Variants in MYO16 observed in about 807,000 individuals in gnomAD.
MYO16 encodes the protein myosin XVI.
Under a neutral mutation model 205.3 loss-of-function variants are expected in MYO16, and 94 were observed. The observed-to-expected ratio is 0.46, with a 90% CI of 0.39 to 0.54. The LOEUF (loss-of-function observed/expected upper bound fraction) is 0.54. Ranked by LOEUF, MYO16 falls within the 20% of genes least tolerant of loss-of-function variation. The pLI, the probability that MYO16 is intolerant of heterozygous loss-of-function variation, is 0.00. For missense variants in MYO16, 2,315 were observed against 2,387.5 expected (o/e 0.97, Z 0.63); for synonymous variants, 988 against 954.0 (o/e 1.04, Z -0.66).
chr13:108,757,710 A>G (rs928137477), intron 4 of MYO16, among the ~76,000 whole-genome samples: 1 of 151,696 alleles, frequency 6.6e-6, no homozygotes, highest in South Asian at 2.1e-4. Context: ...ATTCCCACCT[A>G]TGAGTGAGAA....
chr13:109,114,424 T>C (rs190944913), intron 28 of MYO16, among the ~76,000 whole-genome samples: 98 of 152,340 alleles, frequency 6.4e-4, no homozygotes, highest in African/African-American at 2.3e-3. Flanking sequence ...CCGATTCATC[T>C]TATCTCTGGC....
At chr13:109,023,458 T>C (rs527534469) in intron 23 of MYO16, among the ~76,000 whole-genome samples, 75 of 94,942 alleles carry the variant, frequency 7.9e-4, no homozygotes, top group South Asian at 1.6e-3. Flanking sequence ...TAAATATATA[T>C]TTATATATTA....
chr13:109,077,697 A>G (rs1040324874), intron 27 of MYO16, among the ~76,000 whole-genome samples: 1 of 152,218 alleles, frequency 6.6e-6, no homozygotes, highest in African/African-American at 2.4e-5. Context: ...CGTACACAGT[A>G]TGTCTTTATT....
intron 16 of MYO16, among the ~76,000 whole-genome samples, chr13:108,925,614 G>A (rs571936878): frequency 6.6e-5 from 10 of 152,186 alleles, no homozygotes; most frequent in South Asian, 4.1e-4. Flanking sequence ...CTCCACTCAC[G>A]CTAAAATCTG....
At chr13:108,873,588 A>G (rs953668866) in intron 12 of MYO16, among the ~76,000 whole-genome samples, 1 of 152,104 alleles carries the variant, frequency 6.6e-6, no homozygotes, top group African/African-American at 2.4e-5. Flanking sequence ...CGTTCCACCA[A>G]CCGGGACAGG....
intron 27 of MYO16, among the ~76,000 whole-genome samples, chr13:109,081,567 G>A (rs372379786): frequency 3.3e-5 from 5 of 152,230 alleles, no homozygotes; most frequent in African/African-American, 7.2e-5. Flanking sequence ...AAGTGCTCCC[G>A]CAGGGGCCTT....
rs561918264 is a variant in MYO16 at position 109,067,316 on chromosome 13, G to C, written c.3335+11721G>C. On this transcript the variant is annotated intron_variant, in intron 27 of 34. Transcript: ENST00000457511. ...GTATTTACTAGGCAATGGGCACTGC[G>C]CTAAGCCCTTCACAAGCATCATCTC... Among the ~76,000 whole-genome samples, 153 of 152,272 alleles carry C rather than the reference G, an allele frequency of 1.0e-3. 1 individual carries two copies. The highest frequency in any genetic ancestry group is 3.3e-3 in the African/African-American group (137 of 41,562).
intron 1 of MYO16, among the ~76,000 whole-genome samples, chr13:108,609,062 T>G (rs1035263020): frequency 1.3e-5 from 2 of 152,206 alleles, no homozygotes; most frequent in Non-Finnish European, 2.9e-5. Flanking sequence ...TCACAATCTC[T>G]CTTCCTCACT....
At chr13:108,565,838 G>A in the MYO16 span, among the ~76,000 whole-genome samples, 2 of 152,058 alleles carry the variant, frequency 1.3e-5, no homozygotes, top group Non-Finnish European at 2.9e-5. Flanking sequence ...CTTTTATTAC[G>A]TTGAGGTTAT....
chr13:108,980,291 G>A (rs1317275327), intron 20 of MYO16, among the ~76,000 whole-genome samples: 1 of 152,136 alleles, frequency 6.6e-6, no homozygotes, highest in African/African-American at 2.4e-5. Context: ...GCTAAAGCTT[G>A]TATATTTTAT....
At chr13:108,572,926 G>A in the MYO16 span, among the ~76,000 whole-genome samples, 4,993 of 152,232 alleles carry the variant, frequency 0.033, 248 homozygotes, top group African/African-American at 0.11. Flanking sequence ...GAGGACTGTG[G>A]GTGTCCGCTG....
At chr13:108,718,826 G>A (rs573875692) in intron 3 of MYO16, among the ~76,000 whole-genome samples, 254 of 152,250 alleles carry the variant, frequency 1.7e-3, no homozygotes, top group African/African-American at 4.1e-3. Flanking sequence ...TAGATCATTA[G>A]TGAGATATCC....
At chr13:108,589,577 G>A in the MYO16 span, among the ~76,000 whole-genome samples, 1 of 152,056 alleles carries the variant, frequency 6.6e-6, no homozygotes, top group African/African-American at 2.4e-5. Flanking sequence ...ATCCAAAAAA[G>A]AAAATGACAT....
chr13:109,193,465 T>G (rs1247083516), intron 34 of MYO16, among the ~76,000 whole-genome samples: 1 of 152,174 alleles, frequency 6.6e-6, no homozygotes, highest in East Asian at 1.9e-4. Flanking sequence ...TCTAGTTGGA[T>G]TGGGTTCTGT....
intron 10 of MYO16, among the ~76,000 whole-genome samples, chr13:108,851,672 T>G (rs910311428): frequency 6.6e-6 from 1 of 152,184 alleles, no homozygotes; most frequent in Non-Finnish European, 1.5e-5. Flanking sequence ...CTCCTCTTTT[T>G]CTTAAATTAA....
intron 4 of MYO16, among the ~76,000 whole-genome samples, chr13:108,763,787 TTGTGTGTGTGTGTG>T (rs56115831): frequency 1.6e-4 from 23 of 142,632 alleles, no homozygotes; most frequent in African/African-American, 5.2e-4. Flanking sequence ...AGAAAAGGAG[TTGTGTGTGTGTGTG>T]TGTGTGTGTG....
At chr13:109,031,987 G>T (rs1284861340) in intron 23 of MYO16, among the ~76,000 whole-genome samples, 1 of 152,110 alleles carries the variant, frequency 6.6e-6, no homozygotes. Context: ...TTCATGCCAT[G>T]CTTTGCCTCT....
intron 33 of MYO16, 128 bp from the exon 34 acceptor site, chr13:109,179,414 T>A: frequency 1.6e-6 from 1 of 644,332 alleles, no homozygotes. Context: ...GTATTTAGTT[T>A]GTGTTTAAGG....
Position 108,773,172 on chromosome 13 carries a change from A to G in MYO16, c.508-12463A>G, listed in dbSNP as rs145791611. Among the ~76,000 whole-genome samples, 689 of 152,280 alleles carry G rather than the reference A, an allele frequency of 4.5e-3. 9 individuals are homozygous for G. Among genetic ancestry groups the G allele is most frequent in the Middle Eastern group, 6.8e-3 (2 of 294 alleles). ...AGAGCTTCACCCTCATGACTTGACC[A>G]TCTTCCAAAGGCCCCACCTTCTGAC... On this transcript the variant is annotated intron_variant, in intron 4 of 34. Transcript: ENST00000457511.
Sources: gnomAD v4.1 joint callset for allele counts (sites outside exome capture counted in the v4.1 genomes callset) on GRCh38, gnomAD v4.1.1 for gene constraint, MANE v1.5 for transcripts, NCBI Gene and HGNC (gene_info 2026-07-23, HGNC 2026-07-21) for gene names.